The following CA5A variants were observed in gnomAD, a reference collection of about 807,000 sequenced individuals.
CA5A encodes the protein carbonic anhydrase 5A, mitochondrial.
CA5A carries 28 observed loss-of-function variants against 37.1 expected under a neutral mutation model. That is an observed-to-expected ratio of 0.75 (90% CI 0.56 to 1.03). CA5A has a LOEUF of 1.03. Ranked by LOEUF, CA5A falls within the 50% of genes least tolerant of loss-of-function variation. CA5A has a pLI of 0.00. For synonymous variants in CA5A, 171 were observed against 158.4 expected (o/e 1.08, Z -0.60); for missense variants, 444 against 399.9 (o/e 1.11, Z -0.94).
chr16:87,893,922 G>T (rs1040200646), intron 5 of CA5A, among the ~76,000 whole-genome samples: 1 of 151,960 alleles, frequency 6.6e-6, no homozygotes, highest in African/African-American at 2.4e-5. Flanking sequence ...CCACACCAGG[G>T]TTTAAAATTA....
chr16:87,913,244 G>A (rs2056078106), intron 2 of CA5A, among the ~76,000 whole-genome samples: 1 of 151,460 alleles, frequency 6.6e-6, no homozygotes, highest in South Asian at 2.1e-4. Flanking sequence ...CTCCCAAAGT[G>A]CTGGGATTAC....
intron 6 of CA5A, among the ~76,000 whole-genome samples, chr16:87,888,913 C>G (rs866162510): frequency 1.3e-5 from 2 of 148,392 alleles, no homozygotes; most frequent in South Asian, 2.2e-4. Context: ...CCACCACGCC[C>G]GGCTAATTTT....
intron 5 of CA5A, among the ~76,000 whole-genome samples, chr16:87,900,125 C>T (rs552666989): frequency 4.4e-4 from 67 of 152,118 alleles, no homozygotes; most frequent in Admixed American, 2.5e-3. Flanking sequence ...GAACCTTCCC[C>T]GGGAGGAAAA....
chr16:87,894,006 G>T (rs2055764902), intron 5 of CA5A, among the ~76,000 whole-genome samples: 1 of 152,232 alleles, frequency 6.6e-6, no homozygotes, highest in South Asian at 2.1e-4. Context: ...CGATCCTCCT[G>T]CCTTGGCTTC....
chr16:87,897,054 G>A (rs1438703355), intron 5 of CA5A, among the ~76,000 whole-genome samples: 2 of 152,236 alleles, frequency 1.3e-5, no homozygotes, highest in Non-Finnish European at 2.9e-5. Context: ...CCAGGTGTAC[G>A]ACAGGCAGTG....
downstream of CA5A, chr16:87,886,866 GT>G (rs1457511348): frequency 2.0e-5 from 3 of 152,036 alleles, no homozygotes; most frequent in Non-Finnish European, 2.9e-5. Context: ...TCTCTGACAG[GT>G]ACCACATTAT....
chr16:87,901,238 A>G (rs539754531), intron 5 of CA5A, among the ~76,000 whole-genome samples: 1 of 152,358 alleles, frequency 6.6e-6, no homozygotes, highest in South Asian at 2.1e-4. Flanking sequence ...AAAAAATAAA[A>G]AAGAAAAGAA....
At chr16:87,892,551 ATAATAAATT>A (rs2055734229) in intron 5 of CA5A, among the ~76,000 whole-genome samples, 1 of 134,818 alleles carries the variant, frequency 7.4e-6, no homozygotes, top group Non-Finnish European at 1.6e-5. Flanking sequence ...AATAATAATA[ATAATAAATT>A]AATTAATAAT....
At position 87,926,862 on chromosome 16, in the gene CA5A, A is replaced by C; in HGVS notation, c.226T>G (p.Tyr76Asp). ...PINIQWRDSV[Y>D]DPQLKPLRVS... The stretch of plus-strand genomic sequence containing the variant: ...CTGAGTGGCTTCAGCTGGGGGTCAT[A>C]GACGCTGTCCCTCCACTGGATGTTA... The change falls in exon 2 of 7, where the codon TAT becomes GAT. Residue 76 changes from tyrosine to aspartate, a missense_variant. Physicochemically the swap from Tyr to Asp is radical, Grantham distance 160. Transcript: ENST00000649794. 6.2e-7 allele frequency: 1 copy of C among 1,613,308 alleles called. No individual in the cohort carries two copies. Among genetic ancestry groups the C allele is most frequent in the Non-Finnish European group, 8.5e-7 (1 of 1,179,548 alleles).
rs2056472884 is a variant in CA5A at position 87,936,468 on chromosome 16, T to C, written c.-18A>G. 1 of 1,613,194 alleles carries C rather than the reference T, an allele frequency of 6.2e-7. No homozygotes were observed. The highest frequency in any genetic ancestry group is 8.5e-7 in the Non-Finnish European group (1 of 1,179,920). On this transcript the variant is annotated 5_prime_UTR_variant, in exon 1 of 7. Coordinates refer to ENST00000649794, the MANE Select transcript of CA5A (RefSeq NM_001739.2). ...CCCAACATCTTGGGTCTGTTCCCACTGACTCCAGTCTGAAGAGGGTGATGT... is the reference window on the plus strand; with the variant it reads ...CCCAACATCTTGGGTCTGTTCCCACCGACTCCAGTCTGAAGAGGGTGATGT...
At chr16:87,897,814 T>G (rs2055825844) in intron 5 of CA5A, among the ~76,000 whole-genome samples, 1 of 152,192 alleles carries the variant, frequency 6.6e-6, no homozygotes, top group Non-Finnish European at 1.5e-5. Flanking sequence ...GACAGATGAA[T>G]CACAGGCCCT....
At chr16:87,924,383 G>C (rs575658644) in intron 2 of CA5A, 92 of 893,816 alleles carry the variant, frequency 1.0e-4, no homozygotes, top group Admixed American at 4.9e-4. Flanking sequence ...CGTGGTGTTT[G>C]CGATGCACTG....
At chr16:87,930,982 G>A (rs1377929053) in intron 1 of CA5A, among the ~76,000 whole-genome samples, 2 of 151,818 alleles carry the variant, frequency 1.3e-5, no homozygotes, top group Non-Finnish European at 2.9e-5. Context: ...CTTGTGATCT[G>A]CCTGCCTCGG....
intron 2 of CA5A, among the ~76,000 whole-genome samples, chr16:87,919,499 G>A (rs1172137721): frequency 2.0e-5 from 3 of 152,154 alleles, no homozygotes; most frequent in Admixed American, 6.5e-5. Context: ...GGCCACCTTC[G>A]CCCCATCAGG....
intron 5 of CA5A, among the ~76,000 whole-genome samples, chr16:87,893,949 G>A (rs1286299193): frequency 6.6e-6 from 1 of 151,682 alleles, no homozygotes; most frequent in African/African-American, 2.4e-5. Flanking sequence ...TGTAGCCAGG[G>A]GGTCTTGCCA....
At chr16:87,931,208 T>C (rs1198235061) in intron 1 of CA5A, among the ~76,000 whole-genome samples, 1 of 150,354 alleles carries the variant, frequency 6.7e-6, no homozygotes, top group East Asian at 2.0e-4. Context: ...GCCTCCCGGG[T>C]TCAAGTGATT....
At chr16:87,882,533 C>G (rs184590073) in intron 4 of CA5A, 1 of 152,364 alleles carries the variant, frequency 6.6e-6, no homozygotes, top group Non-Finnish European at 1.5e-5. Flanking sequence ...CCCAACGACA[C>G]CATCCTGTCA....
chr16:87,904,713 T>C, intron 3 of CA5A, 73 bp downstream of exon 3: 1 of 932,014 alleles, frequency 1.1e-6, no homozygotes, highest in Non-Finnish European at 1.7e-6. Flanking sequence ...GCGCATGGCT[T>C]GTTCACCCCC....
At chr16:87,925,922 C>T (rs2056300714) in intron 2 of CA5A, among the ~76,000 whole-genome samples, 1 of 152,146 alleles carries the variant, frequency 6.6e-6, no homozygotes, top group African/African-American at 2.4e-5. Context: ...CTGTGGGATG[C>T]ATTTAAAAGG....
Sources: allele counts gnomAD v4.1 joint callset (sites outside exome capture counted in the v4.1 genomes callset), GRCh38; gene constraint gnomAD v4.1.1; transcripts MANE v1.5; gene names NCBI Gene and HGNC (gene_info 2026-07-23, HGNC 2026-07-21).